RBMS3: variants seen among roughly 807,000 people sequenced by gnomAD.
RBMS3 encodes RNA-binding motif, single-stranded-interacting protein 3.
A neutral mutation model predicts 66.8 loss-of-function variants in RBMS3; 27 were observed. The observed-to-expected ratio is 0.40, with a 90% CI of 0.30 to 0.56. The LOEUF (loss-of-function observed/expected upper bound fraction) is 0.56. Among genes scored for constraint, RBMS3 ranks in the 20% least tolerant of loss-of-function variants. The pLI, the probability that RBMS3 is intolerant of heterozygous loss-of-function variation, is 0.40. For synonymous variants in RBMS3, 188 were observed against 183.0 expected (o/e 1.03, Z -0.22); for missense variants, 513 against 549.5 (o/e 0.93, Z 0.66).
At chr3:29,404,045 C>T (rs1575723324) in intron 1 of RBMS3, among the ~76,000 whole-genome samples, 1 of 151,930 alleles carries the variant, frequency 6.6e-6, no homozygotes, top group East Asian at 1.9e-4. Flanking sequence ...TATCCTGGGC[C>T]CAAAAGGGCT....
intron 1 of RBMS3, among the ~76,000 whole-genome samples, chr3:29,315,375 C>A (rs2034610627): frequency 6.6e-6 from 1 of 151,720 alleles, no homozygotes; most frequent in Non-Finnish European, 1.5e-5. Context: ...GTATATACTT[C>A]AAAACCTCAT....
chr3:29,340,830 A>G (rs186505395), intron 1 of RBMS3, among the ~76,000 whole-genome samples: 28 of 152,246 alleles, frequency 1.8e-4, no homozygotes, highest in African/African-American at 6.3e-4. Flanking sequence ...AATAAAGTAC[A>G]TTTTATATTT....
At chr3:29,543,949 A>C (rs1252791706) in intron 3 of RBMS3, among the ~76,000 whole-genome samples, 1 of 152,164 alleles carries the variant, frequency 6.6e-6, no homozygotes. Context: ...TATTAGAAGG[A>C]GATTGGTATC....
intron 3 of RBMS3, among the ~76,000 whole-genome samples, chr3:29,534,998 T>G (rs1272367488): frequency 6.6e-6 from 1 of 152,160 alleles, no homozygotes; most frequent in Admixed American, 6.5e-5. Context: ...ACTGGTTTTA[T>G]GGACACTGCT....
chr3:29,996,205 CAAG>C (rs1419655121), intron 14 of RBMS3, among the ~76,000 whole-genome samples: 1 of 150,500 alleles, frequency 6.6e-6, no homozygotes, highest in Non-Finnish European at 1.5e-5. Context: ...ATCAATTCAA[CAAG>C]AAGAGCTAAC....
intron 12 of RBMS3, 57 bp from the exon 13 acceptor site, chr3:29,988,086 A>G: frequency 7.2e-7 from 1 of 1,394,976 alleles, no homozygotes; most frequent in Admixed American, 1.7e-5. Flanking sequence ...GTATTTAATA[A>G]TTTTCTCACT....
At chr3:29,472,031 C>G (rs1300977151) in intron 2 of RBMS3, among the ~76,000 whole-genome samples, 1 of 152,048 alleles carries the variant, frequency 6.6e-6, no homozygotes, top group Non-Finnish European at 1.5e-5. Flanking sequence ...AATGCTACTA[C>G]TTTCCACACA....
At chr3:29,727,059 C>G (rs1022910631) in intron 4 of RBMS3, among the ~76,000 whole-genome samples, 1 of 152,076 alleles carries the variant, frequency 6.6e-6, no homozygotes, top group Non-Finnish European at 1.5e-5. Flanking sequence ...AGAAATAACA[C>G]CACACATCTA....
At chr3:29,348,701 C>T (rs979404459) in intron 1 of RBMS3, among the ~76,000 whole-genome samples, 1 of 152,084 alleles carries the variant, frequency 6.6e-6, no homozygotes, top group Non-Finnish European at 1.5e-5. Context: ...AACCAAAAAT[C>T]GTAAACTCCC....
At chr3:29,696,996 C>T (rs980215555) in intron 4 of RBMS3, 1 of 970,552 alleles carries the variant, frequency 1.0e-6, no homozygotes, top group Non-Finnish European at 1.2e-6. Flanking sequence ...TTCTCCAAAA[C>T]TTCTAACTTG....
intron 3 of RBMS3, among the ~76,000 whole-genome samples, chr3:29,581,978 A>G (rs1486071643): frequency 6.6e-6 from 1 of 152,236 alleles, no homozygotes; most frequent in East Asian, 1.9e-4. Flanking sequence ...ACACAGAAGT[A>G]TAAAATAAGC....
chr3:29,726,636 T>C (rs1405310786), intron 4 of RBMS3, among the ~76,000 whole-genome samples: 1 of 152,038 alleles, frequency 6.6e-6, no homozygotes, highest in Non-Finnish European at 1.5e-5. Context: ...TACCTAGGAA[T>C]ACAACTTACA....
chr3:29,817,906 T>TCATG (rs1262826421), intron 6 of RBMS3, among the ~76,000 whole-genome samples: 1 of 152,142 alleles, frequency 6.6e-6, no homozygotes, highest in Non-Finnish European at 1.5e-5. Flanking sequence ...CCAAATATAA[T>TCATG]CATGCATTCA....
intron 3 of RBMS3, among the ~76,000 whole-genome samples, chr3:29,570,032 G>A (rs1455572121): frequency 7.9e-5 from 12 of 152,032 alleles, no homozygotes; most frequent in Non-Finnish European, 4.4e-5. Flanking sequence ...ATATCATTTT[G>A]GCTAAAATAA....
chr3:29,320,672 CTT>C (rs2034954536), intron 1 of RBMS3, among the ~76,000 whole-genome samples: 1 of 151,968 alleles, frequency 6.6e-6, no homozygotes, highest in Non-Finnish European at 1.5e-5. Flanking sequence ...AAACTCATAA[CTT>C]TGCTATTCAG....
At chr3:29,879,799 TAA>T (rs60224819) in intron 7 of RBMS3, among the ~76,000 whole-genome samples, 1 of 147,262 alleles carries the variant, frequency 6.8e-6, no homozygotes, top group African/African-American at 2.5e-5. Context: ...CAACAATGGT[TAA>T]AAAAAAAAAA....
intron 2 of RBMS3, among the ~76,000 whole-genome samples, chr3:29,454,820 T>G (rs1409843305): frequency 6.6e-6 from 1 of 152,208 alleles, no homozygotes; most frequent in Non-Finnish European, 1.5e-5. Flanking sequence ...CCCTCAGGGC[T>G]ATCTAGGTCA....
chr3:29,653,468 G>A lies in RBMS3; in HGVS notation c.399+66263G>A, dbSNP rs377218233. The stretch of plus-strand genomic sequence containing the variant: ...TACAGAACTGACGGTAAACCTCTCT[G>A]AACCATGTTTAACTGCCTAAGGCTA... On this transcript the variant is annotated intron_variant, in intron 4 of 14. Transcript: ENST00000383767. Among the ~76,000 whole-genome samples, 246 of 152,196 alleles carry A rather than the reference G, an allele frequency of 1.6e-3. 1 individual carries two copies. The South Asian group carries it at 0.019, about 12-fold the overall frequency.
Position 29,956,370 on chromosome 3 carries a change from C to T in RBMS3, c.1098+12116C>T, listed in dbSNP as rs982194937. ...TTCTGTTACCACCTGATGAATTCCA[C>T]CTTCTATGAGATATTTGCACATTCC... On this transcript the variant is annotated intron_variant, in intron 12 of 14. Coordinates refer to ENST00000383767, the MANE Select transcript of RBMS3 (RefSeq NM_001003793.3). Among the ~76,000 whole-genome samples, 17 of 152,088 alleles carry T rather than the reference C, an allele frequency of 1.1e-4. 1 individual carries two copies. The highest frequency in any genetic ancestry group is 1.0e-3 in the Admixed American group (16 of 15,252).
Sources: allele counts gnomAD v4.1 joint callset (sites outside exome capture counted in the v4.1 genomes callset), GRCh38; gene constraint gnomAD v4.1.1; transcripts MANE v1.5; gene names NCBI Gene and HGNC (gene_info 2026-07-23, HGNC 2026-07-21).